The following XKR9 variants were observed in gnomAD, a reference collection of about 807,000 sequenced individuals.
The protein encoded by XKR9 is XK related 9.
In XKR9, 32 loss-of-function variants were observed where a neutral mutation model predicts 32.0. The ratio of observed to expected loss-of-function variants is 1.00; its 90% CI spans 0.76 to 1.34. The LOEUF (loss-of-function observed/expected upper bound fraction) is 1.34, where lower values mean the gene tolerates loss of function less well. Among genes scored for constraint, XKR9 ranks in the 40% most tolerant of loss-of-function variants. XKR9 has a pLI of 0.00. For missense variants in XKR9, 546 were observed against 429.7 expected (o/e 1.27, Z -2.39); for synonymous variants, 168 against 143.4 (o/e 1.17, Z -1.22).
chr8:71,063,926 G>T, the XKR9 span, among the ~76,000 whole-genome samples: 7 of 152,166 alleles, frequency 4.6e-5, no homozygotes, highest in Non-Finnish European at 5.9e-5. Context: ...GAAGAACGGG[G>T]TATGTATTTC....
the XKR9 span, among the ~76,000 whole-genome samples, chr8:70,961,322 T>A: frequency 3.3e-5 from 5 of 152,086 alleles, no homozygotes. Flanking sequence ...GTGGGCTTGA[T>A]CTGGAAGTTA....
At chr8:70,808,503 C>T in the XKR9 span, among the ~76,000 whole-genome samples, 1 of 152,260 alleles carries the variant, frequency 6.6e-6, no homozygotes, top group South Asian at 2.1e-4. Context: ...TGAGGCATTG[C>T]CTCACCCAGG....
At chr8:70,757,679 G>GGCCA (rs1256744759) in intron 2 of XKR9, among the ~76,000 whole-genome samples, 2 of 152,058 alleles carry the variant, frequency 1.3e-5, no homozygotes, top group Non-Finnish European at 2.9e-5. Flanking sequence ...CTCTGCCTCT[G>GGCCA]GGTTCAAGTG....
At chr8:70,924,018 A>G in the XKR9 span, among the ~76,000 whole-genome samples, 3 of 152,180 alleles carry the variant, frequency 2.0e-5, no homozygotes, top group Admixed American at 2.0e-4. Flanking sequence ...TCAAAAACTA[A>G]AAAGCCCTTA....
the XKR9 span, among the ~76,000 whole-genome samples, chr8:70,830,417 CAAAA>C: frequency 1.0e-5 from 1 of 99,878 alleles, no homozygotes. Context: ...CTTGTCTTTA[CAAAA>C]AAAAAAAAAA....
the XKR9 span, among the ~76,000 whole-genome samples, chr8:70,801,843 C>G: frequency 6.6e-6 from 1 of 151,906 alleles, no homozygotes; most frequent in African/African-American, 2.4e-5. Context: ...TCTGGGTGCT[C>G]TTGTGCTGGG....
chr8:70,751,677 C>T (rs1026346650), intron 2 of XKR9, among the ~76,000 whole-genome samples: 1 of 152,142 alleles, frequency 6.6e-6, no homozygotes, highest in Admixed American at 6.5e-5. Flanking sequence ...ACATCTACCT[C>T]CTCCTGCCCT....
At chr8:71,033,976 A>G in the XKR9 span, among the ~76,000 whole-genome samples, 2 of 152,208 alleles carry the variant, frequency 1.3e-5, no homozygotes, top group East Asian at 1.9e-4. Context: ...TTCATACACA[A>G]TGTTACCTTG....
the XKR9 span, among the ~76,000 whole-genome samples, chr8:71,063,856 C>T: frequency 6.6e-6 from 1 of 152,274 alleles, no homozygotes; most frequent in African/African-American, 2.4e-5. Flanking sequence ...AAAAAATAGA[C>T]ATAGTTAGGG....
chr8:70,908,984 A>C, the XKR9 span, among the ~76,000 whole-genome samples: 4 of 152,102 alleles, frequency 2.6e-5, no homozygotes, highest in African/African-American at 9.7e-5. Context: ...GCAGGCTTTA[A>C]TTTCTGTTCT....
In XKR9 at chr8:70,734,054, C is replaced by G. The variant is rs766013500; in HGVS notation, c.752C>G (p.Thr251Ser). Reference sequence around the variant, plus strand: ...ATAATATGGGCATTTAAAAACAACACCCAGTTTTGTACTTGTATAAGTATG... The same window carrying G: ...ATAATATGGGCATTTAAAAACAACAGCCAGTTTTGTACTTGTATAAGTATG... The part of the protein sequence containing the change: ...LGIIWAFKNN[T>S]QFCTCISMEF... The change falls in exon 5 of 5, where the codon ACC becomes AGC. Residue 251 changes from threonine to serine, a missense_variant. Coordinates refer to ENST00000408926, the MANE Select transcript of XKR9 (RefSeq NM_001011720.2). 6.2e-7 allele frequency: 1 copy of G among 1,612,962 alleles called. No individual in the cohort carries two copies. The highest frequency in any genetic ancestry group is 1.7e-5 in the Admixed American group (1 of 59,926).
the XKR9 span, among the ~76,000 whole-genome samples, chr8:70,869,342 G>A: frequency 6.6e-6 from 1 of 152,176 alleles, no homozygotes; most frequent in Non-Finnish European, 1.5e-5. Flanking sequence ...CCACATGGCT[G>A]GGGAGGCCTC....
the XKR9 span, among the ~76,000 whole-genome samples, chr8:70,803,413 C>T: frequency 6.6e-6 from 1 of 152,042 alleles, no homozygotes; most frequent in Non-Finnish European, 1.5e-5. Context: ...ACCTTCATTC[C>T]TATTCATATT....
the XKR9 span, among the ~76,000 whole-genome samples, chr8:70,896,807 C>A: frequency 2.0e-5 from 3 of 152,134 alleles, no homozygotes; most frequent in African/African-American, 7.2e-5. Flanking sequence ...ATCAGCCATA[C>A]AATGTGTAAT....
the XKR9 span, among the ~76,000 whole-genome samples, chr8:70,974,136 G>T: frequency 2.6e-5 from 4 of 151,456 alleles, no homozygotes; most frequent in Non-Finnish European, 2.9e-5. Flanking sequence ...TTATAAATTT[G>T]GGAGCTCCAG....
At chr8:70,873,302 C>T in the XKR9 span, among the ~76,000 whole-genome samples, 6 of 152,150 alleles carry the variant, frequency 3.9e-5, no homozygotes, top group African/African-American at 1.2e-4. Flanking sequence ...TTTCAACTTT[C>T]AAATCTCATG....
chr8:70,808,043 A>AC, the XKR9 span, among the ~76,000 whole-genome samples: 2 of 152,018 alleles, frequency 1.3e-5, no homozygotes, highest in African/African-American at 4.8e-5. Flanking sequence ...TGCAAAAAAA[A>AC]CCTCTAAAAT....
Position 70,733,884 on chromosome 8 carries a change from G to A in XKR9, c.582G>A (p.Lys194=). Residue 194 remains lysine (K), a synonymous_variant, in exon 5 of 5, where the codon AAG becomes AAA. Transcript: ENST00000408926. ...TAAGAAAATCCTTGCCTGACAAAAA[G>A]CTTCTTAATGGATTATGTCCCAAAA... ...VALRKSLPDK[K]LLNGLCPKIT... 2 of 1,611,238 alleles carry A rather than the reference G, an allele frequency of 1.2e-6. No homozygotes were observed. The highest frequency in any genetic ancestry group is 1.7e-5 in the Admixed American group (1 of 59,576).
the XKR9 span, among the ~76,000 whole-genome samples, chr8:70,939,474 C>A: frequency 3.3e-5 from 5 of 152,004 alleles, no homozygotes; most frequent in Admixed American, 6.6e-5. Context: ...ATTTATTTCC[C>A]CACCTAACCT....
Sources: allele counts gnomAD v4.1 joint callset (sites outside exome capture counted in the v4.1 genomes callset), GRCh38; gene constraint gnomAD v4.1.1; transcripts MANE v1.5; gene names NCBI Gene and HGNC (gene_info 2026-07-23, HGNC 2026-07-21).